The following TOMM20L variants were observed in gnomAD, a reference collection of about 807,000 sequenced individuals.
TOMM20L encodes the protein TOMM20-like protein 1.
In TOMM20L, 19 loss-of-function variants were observed where a neutral mutation model predicts 20.4. The ratio of observed to expected loss-of-function variants is 0.93; its 90% CI spans 0.65 to 1.36. TOMM20L has a LOEUF of 1.36. Among genes scored for constraint, TOMM20L ranks in the 40% most tolerant of loss-of-function variants. TOMM20L has a pLI of 0.00. For synonymous variants in TOMM20L, 75 were observed against 79.6 expected (o/e 0.94, Z 0.30); for missense variants, 218 against 203.7 (o/e 1.07, Z -0.43).
the TOMM20L span, among the ~76,000 whole-genome samples, chr14:58,416,058 A>G: frequency 6.6e-6 from 1 of 151,126 alleles, no homozygotes; most frequent in African/African-American, 2.4e-5. Context: ...CCTACTGAAA[A>G]AAAAAAAAAA....
downstream of TOMM20L, among the ~76,000 whole-genome samples, chr14:58,410,563 A>C (rs1186782601): frequency 6.6e-6 from 1 of 152,224 alleles, no homozygotes; most frequent in Non-Finnish European, 1.5e-5. Flanking sequence ...ATCTTGGCTG[A>C]AAGCTAATTA....
chr14:58,404,231 A>G lies in TOMM20L; in HGVS notation c.262+1470A>G, dbSNP rs1291091365. On this transcript the variant is annotated intron_variant, in intron 3 of 4. Coordinates refer to ENST00000360945, the MANE Select transcript of TOMM20L (RefSeq NM_207377.3). ...TGCAAGCTCCGCCTCCCGGGTTCACACCATTCTCCTGCCTCAGCCTCCCAA... is the reference window on the plus strand; with the variant it reads ...TGCAAGCTCCGCCTCCCGGGTTCACGCCATTCTCCTGCCTCAGCCTCCCAA... Among the ~76,000 whole-genome samples, 11 of 131,838 alleles carry G rather than the reference A, an allele frequency of 8.3e-5. No individual in the cohort carries two copies. In the South Asian group the frequency reaches 2.1e-3, roughly 25 times the overall value. The allele number at this position is 131,838 out of a possible 152,430, so 86.5% of individuals were successfully genotyped here. A position where few individuals can be genotyped will look rare whatever the true frequency, so the allele number is the denominator to read the frequency against.
chr14:58,406,695 C>A (rs1315840982), intron 3 of TOMM20L, among the ~76,000 whole-genome samples: 2 of 152,196 alleles, frequency 1.3e-5, no homozygotes, highest in Admixed American at 1.3e-4. Flanking sequence ...GGATTAAAGT[C>A]ATTCCATGTT....
chr14:58,406,441 T>C lies in TOMM20L; in HGVS notation c.263-885T>C, dbSNP rs531069543. ...TTTCAACTGATAAATGGAAAACTAG[T>C]TTCAGCTAATAAAAATCTATTATTA... On this transcript the variant is annotated intron_variant, in intron 3 of 4. Coordinates refer to ENST00000360945, the MANE Select transcript of TOMM20L (RefSeq NM_207377.3). Among the ~76,000 whole-genome samples, 10 of 152,306 alleles carry C rather than the reference T, an allele frequency of 6.6e-5. No homozygotes were observed. The East Asian group carries it at 1.9e-3, about 29-fold the overall frequency.
At chr14:58,411,046 G>C, downstream of TOMM20L, 1 of 728,264 alleles carries the variant, frequency 1.4e-6, no homozygotes, top group Non-Finnish European at 2.3e-6. Flanking sequence ...TATAACACTT[G>C]AAATCATAGT....
chr14:58,407,566 C>G (rs569302113), intron 4 of TOMM20L, 98 bp downstream of exon 4: 1 of 1,323,146 alleles, frequency 7.6e-7, no homozygotes, highest in Admixed American at 2.9e-5. Context: ...GTGAATTGCC[C>G]AAAATCTTAA....
downstream of TOMM20L, among the ~76,000 whole-genome samples, chr14:58,413,601 C>T (rs1175178248): frequency 6.6e-6 from 1 of 152,022 alleles, no homozygotes; most frequent in East Asian, 1.9e-4. Flanking sequence ...TTTCACATAT[C>T]CTAAATGTAG....
At chr14:58,400,413 C>T (rs1343019837) in intron 2 of TOMM20L, among the ~76,000 whole-genome samples, 1 of 142,066 alleles carries the variant, frequency 7.0e-6, no homozygotes, top group Non-Finnish European at 1.5e-5. Flanking sequence ...CAGAGTGAGA[C>T]TCTGTCTCCA....
At chr14:58,409,318 C>T (rs1307934231), downstream of TOMM20L, 3 of 824,608 alleles carry the variant, frequency 3.6e-6, no homozygotes, top group Non-Finnish European at 5.5e-6. Flanking sequence ...CTGACCATAG[C>T]TTTTAATTGA....
chr14:58,412,618 A>G (rs1254447109), downstream of TOMM20L, among the ~76,000 whole-genome samples: 1 of 152,118 alleles, frequency 6.6e-6, no homozygotes, highest in Non-Finnish European at 1.5e-5. Flanking sequence ...TAATTAAAAA[A>G]AGCTGGGTGT....
At chr14:58,401,328 T>C (rs2035989955) in intron 2 of TOMM20L, among the ~76,000 whole-genome samples, 1 of 151,818 alleles carries the variant, frequency 6.6e-6, no homozygotes, top group Non-Finnish European at 1.5e-5. Context: ...TCCTAGCACT[T>C]TGGGAGGCCG....
downstream of TOMM20L, chr14:58,411,836 C>G: frequency 7.0e-7 from 1 of 1,438,050 alleles, no homozygotes; most frequent in South Asian, 1.1e-5. Context: ...TGCACCCAGC[C>G]TGACATGGTG....
intron 3 of TOMM20L, among the ~76,000 whole-genome samples, chr14:58,406,374 A>AT (rs541316220): frequency 5.9e-5 from 9 of 152,276 alleles, no homozygotes; most frequent in South Asian, 2.1e-4. Context: ...TTTGGAAAGC[A>AT]TTTTTTTCTG....
downstream of TOMM20L, among the ~76,000 whole-genome samples, chr14:58,410,240 T>A (rs2036170533): frequency 6.6e-6 from 1 of 151,984 alleles, no homozygotes; most frequent in Non-Finnish European, 1.5e-5. Context: ...CTAGCTAATT[T>A]TTTTTTGTAT....
At chr14:58,412,532 A>C (rs1397769339), downstream of TOMM20L, among the ~76,000 whole-genome samples, 1 of 152,126 alleles carries the variant, frequency 6.6e-6, no homozygotes, top group African/African-American at 2.4e-5. Flanking sequence ...CTACCTTGCT[A>C]AGCTGCTTGT....
chr14:58,407,338 T>C lies in TOMM20L; in HGVS notation c.275T>C (p.Met92Thr), dbSNP rs1469986246. 19 of 1,606,866 alleles carry C rather than the reference T, an allele frequency of 1.2e-5. No homozygotes were observed. The highest frequency in any genetic ancestry group is 2.3e-5 in the East Asian group (1 of 44,312). The change falls in exon 4 of 5, where the codon ATG becomes ACG. Residue 92 changes from methionine to threonine, a missense_variant. Physicochemically the swap from Met to Thr is moderately conservative, Grantham distance 81 (BLOSUM62 -1). Transcript: ENST00000360945. ...ELWLSRGEHR[M>T]GIQHLGNALL... ...CATTCTGTTTCAGGAGAGCACAGAA[T>C]GGGGATTCAACACCTCGGCAATGCC... is the stretch of plus-strand genomic sequence containing the variant.
chr14:58,404,429 A>G (rs1383499553), intron 3 of TOMM20L, among the ~76,000 whole-genome samples: 2 of 151,374 alleles, frequency 1.3e-5, no homozygotes, highest in African/African-American at 4.8e-5. Flanking sequence ...GCGCCCGGCC[A>G]TATATTTTTT....
rs774233646 is a variant in TOMM20L at position 58,396,361 on chromosome 14, C to T, written c.180+20C>T. 2.5e-6 allele frequency: 4 copies of T among 1,612,798 alleles called. No homozygotes were observed. Among genetic ancestry groups the T allele is most frequent in the Non-Finnish European group, 3.4e-6 (4 of 1,179,628 alleles). ...ACGCAGGTGCAGTGCTTTCGATCCG[C>T]ACAGGTAGCTCAGTAGACGCAGGTC... On this transcript the variant is annotated intron_variant, in intron 2 of 4. Transcript: ENST00000360945.
chr14:58,403,973 C>T (rs955046907), intron 3 of TOMM20L, among the ~76,000 whole-genome samples: 9 of 146,378 alleles, frequency 6.1e-5, no homozygotes, highest in Non-Finnish European at 3.0e-5. Context: ...ATCATAATGT[C>T]CTTATTCTGG....
Sources: allele counts gnomAD v4.1 joint callset (sites outside exome capture counted in the v4.1 genomes callset), GRCh38; gene constraint gnomAD v4.1.1; transcripts MANE v1.5; gene names NCBI Gene and HGNC (gene_info 2026-07-23, HGNC 2026-07-21).